MDGA2: variants seen among roughly 807,000 people sequenced by gnomAD.
MDGA2 encodes the protein MAM domain containing glycosylphosphatidylinositol anchor 2, also known as MAM domain-containing glycosylphosphatidylinositol anchor protein 2.
Under a neutral mutation model 117.8 loss-of-function variants are expected in MDGA2, and 40 were observed. The observed-to-expected ratio is 0.34, with a 90% confidence interval of 0.26 to 0.44. The LOEUF (loss-of-function observed/expected upper bound fraction) is 0.44. MDGA2 is among the 20% of genes least tolerant of loss of function. The pLI, the probability that MDGA2 is intolerant of heterozygous loss-of-function variation, is 1.00. For synonymous variants in MDGA2, 452 were observed against 439.0 expected, an observed-to-expected ratio of 1.03 and a Z score of -0.37; for missense variants, 1,123 against 1,250.6, an observed-to-expected ratio of 0.90 and a Z score of 1.54.
intron 9 of MDGA2, among the ~76,000 whole-genome samples, chr14:46,920,535 G>C (rs1009495467): frequency 2.6e-5 from 4 of 152,178 alleles, no homozygotes; most frequent in African/African-American, 7.2e-5. Context: ...GAATACAAGA[G>C]AGATCAAGAC....
chr14:47,232,214 G>A (rs887155217), intron 2 of MDGA2, among the ~76,000 whole-genome samples: 28 of 152,204 alleles, frequency 1.8e-4, no homozygotes, highest in African/African-American at 5.8e-4. Context: ...ATCAGTTTTT[G>A]TTGGTGCAAA....
At chr14:46,866,877 A>T (rs2138341991) in intron 14 of MDGA2, among the ~76,000 whole-genome samples, 1 of 146,194 alleles carries the variant, frequency 6.8e-6, no homozygotes, top group South Asian at 2.1e-4. Flanking sequence ...GCAATCATTA[A>T]AAAGTCAGAA....
chr14:47,531,012 G>A (rs958539267), intron 1 of MDGA2, among the ~76,000 whole-genome samples: 15 of 152,222 alleles, frequency 9.9e-5, no homozygotes, highest in Admixed American at 2.6e-4. Context: ...TTGGGAGGCC[G>A]AGGTGGGCGG....
At chr14:47,646,164 T>G (rs10134951) in intron 1 of MDGA2, among the ~76,000 whole-genome samples, 40,136 of 151,216 alleles carry the variant, frequency 0.27, 6,118 homozygotes, top group South Asian at 0.46. Flanking sequence ...TACTCAATGT[T>G]AAATACAAAG....
chr14:47,370,409 A>T (rs749303663), intron 1 of MDGA2, among the ~76,000 whole-genome samples: 10 of 148,890 alleles, frequency 6.7e-5, no homozygotes, highest in Admixed American at 4.1e-4. Context: ...TATGAAAAGA[A>T]AGTTCATCAG....
intron 1 of MDGA2, among the ~76,000 whole-genome samples, chr14:47,661,755 T>TC (rs1462712981): frequency 1.4e-5 from 2 of 147,112 alleles, no homozygotes; most frequent in African/African-American, 5.0e-5. Context: ...TCTTTTTTTT[T>TC]TTTTTTTTTT....
chr14:47,141,574 A>G (rs991237605), intron 4 of MDGA2, among the ~76,000 whole-genome samples: 1 of 152,204 alleles, frequency 6.6e-6, no homozygotes, highest in Non-Finnish European at 1.5e-5. Flanking sequence ...AGCCAGCAAC[A>G]TGGATGGATC....
chr14:47,064,433 AAAAAG>A (rs1247582067), intron 6 of MDGA2, among the ~76,000 whole-genome samples: 1 of 152,106 alleles, frequency 6.6e-6, no homozygotes, highest in African/African-American at 2.4e-5. Flanking sequence ...TTTGCATACA[AAAAAG>A]AAATGTTCAG....
chr14:46,904,402 AGAAAT>A (rs34879700), intron 10 of MDGA2, among the ~76,000 whole-genome samples: 3,655 of 151,986 alleles, frequency 0.024, 149 homozygotes, highest in African/African-American at 0.083. Flanking sequence ...TATTTGATTA[AGAAAT>A]TATAATTCGT....
intron 8 of MDGA2, among the ~76,000 whole-genome samples, chr14:46,967,894 C>A (rs1435980184): frequency 2.6e-5 from 4 of 152,022 alleles, no homozygotes; most frequent in African/African-American, 9.7e-5. Context: ...TAAATATAGT[C>A]CCTCCTCTTC....
intron 1 of MDGA2, among the ~76,000 whole-genome samples, chr14:47,613,456 TTA>T (rs1378159449): frequency 4.5e-5 from 6 of 134,226 alleles, no homozygotes; most frequent in African/African-American, 8.5e-5. Flanking sequence ...TTTACTTCAT[TTA>T]TCTCTCTCTC....
At chr14:47,499,988 C>T (rs1345333775) in intron 1 of MDGA2, among the ~76,000 whole-genome samples, 4 of 151,954 alleles carry the variant, frequency 2.6e-5, no homozygotes, top group Non-Finnish European at 5.9e-5. Flanking sequence ...GGAAAATACA[C>T]CAATACTAAA....
intron 1 of MDGA2, among the ~76,000 whole-genome samples, chr14:47,502,419 A>T (rs1349599575): frequency 6.6e-6 from 1 of 152,118 alleles, no homozygotes; most frequent in Non-Finnish European, 1.5e-5. Flanking sequence ...ACAGAACTAA[A>T]TTCTGTCTCA....
At position 47,625,302 on chromosome 14, in the gene MDGA2, T is replaced by G. The variant is rs910825123; in HGVS notation, c.280+49215A>C. 2.7e-5 allele frequency among the ~76,000 whole-genome samples: 4 copies of G among 148,304 alleles called. No homozygotes were observed. In the East Asian group the frequency reaches 8.1e-4, roughly 30 times the overall value. On this transcript the variant is annotated intron_variant, in intron 1 of 16. Coordinates refer to ENST00000399232, the MANE Select transcript of MDGA2 (RefSeq NM_001113498.3). ...CACAGATGATCCTAAACAATGTTTA[T>G]GCAAAAACAAAAAAAAAAGTATGTC...
intron 5 of MDGA2, among the ~76,000 whole-genome samples, chr14:47,101,544 A>C (rs1484504478): frequency 6.6e-6 from 1 of 152,142 alleles, no homozygotes; most frequent in Non-Finnish European, 1.5e-5. Flanking sequence ...TATATAGACA[A>C]GGACATAGTC....
intron 15 of MDGA2, among the ~76,000 whole-genome samples, chr14:46,846,979 T>A (rs930576814): frequency 3.9e-5 from 6 of 152,062 alleles, no homozygotes; most frequent in African/African-American, 9.7e-5. Flanking sequence ...TTTGAAAACA[T>A]CTCCTCAAAG....
chr14:47,302,950 T>G (rs1404075384), intron 1 of MDGA2, among the ~76,000 whole-genome samples: 1 of 152,170 alleles, frequency 6.6e-6, no homozygotes, highest in Non-Finnish European at 1.5e-5. Flanking sequence ...ATCCTGTTAC[T>G]CAACCTTGAA....
intron 1 of MDGA2, among the ~76,000 whole-genome samples, chr14:47,606,961 C>T (rs934288504): frequency 3.9e-5 from 6 of 152,054 alleles, no homozygotes; most frequent in Non-Finnish European, 7.4e-5. Context: ...AAAACACACG[C>T]ACTGGTGTAA....
At chr14:47,206,905 T>C (rs1005746602) in intron 3 of MDGA2, among the ~76,000 whole-genome samples, 1 of 151,778 alleles carries the variant, frequency 6.6e-6, no homozygotes, top group Non-Finnish European at 1.5e-5. Context: ...AATGGAGAGA[T>C]GATAGATAGA....
Sources: allele counts gnomAD v4.1 joint callset (sites outside exome capture counted in the v4.1 genomes callset), GRCh38; gene constraint gnomAD v4.1.1; transcripts MANE v1.5; gene names NCBI Gene and HGNC (gene_info 2026-07-23, HGNC 2026-07-21).